The following SPATA21 variants were observed in gnomAD, a reference collection of about 807,000 sequenced individuals.
SPATA21 encodes the protein spermatogenesis-associated protein 21.
SPATA21 carries 47 observed loss-of-function variants against 54.8 expected under a neutral mutation model. The ratio of observed to expected loss-of-function variants is 0.86; its 90% CI spans 0.68 to 1.09. The LOEUF is 1.09. Among genes scored for constraint, SPATA21 ranks in the 50% least tolerant of loss-of-function variants. SPATA21 has a pLI of 0.00. For missense variants in SPATA21, 599 were observed against 596.4 expected, an observed-to-expected ratio of 1.00 and a Z score of -0.05; for synonymous variants, 245 against 235.3, an observed-to-expected ratio of 1.04 and a Z score of -0.38.
At position 16,409,158 on chromosome 1, in the gene SPATA21, C is replaced by G; in HGVS notation, c.633G>C (p.Arg211=). 6.2e-7 allele frequency: 1 copy of G among 1,614,132 alleles called. No homozygotes were observed. Among genetic ancestry groups the G allele is most frequent in the Non-Finnish European group, 8.5e-7 (1 of 1,180,018 alleles). The change falls in exon 7 of 13, where the codon CGG becomes CGC. Residue 211 remains arginine, a synonymous_variant. Transcript: ENST00000335496. This position sits in a 1 kb window ranked among gnomAD's most constrained non-coding sequence, Gnocchi z 4.1. ...GGGTCAGTTGCTCCTCGGACTTCTC[C>G]CGGTTTTGATAAAGCTTTTGGAGGC... is the stretch of plus-strand genomic sequence containing the variant. ...EQSLQKLYQN[R]EKSEEQLTLK... is the part of the protein sequence containing the mutation.
intron 12 of SPATA21, 93 bp downstream of exon 12, chr1:16,399,251 C>G: frequency 1.4e-6 from 2 of 1,400,264 alleles, no homozygotes; most frequent in Non-Finnish European, 1.9e-6. Flanking sequence ...GGTATGATCT[C>G]TTAGAAAGAT....
In SPATA21 at chr1:16,426,867, A is replaced by G. The variant is rs773157409; in HGVS notation, c.34+4471T>C. On this transcript the variant is annotated intron_variant, in intron 3 of 12. Coordinates refer to ENST00000335496, the MANE Select transcript of SPATA21 (RefSeq NM_198546.1). ...AGTGCTGGGATTACAGGTGTGAGCC[A>G]CTGTGCCCGGCCTAATGTACTTTTT... Among the ~76,000 whole-genome samples, 20 of 152,036 alleles carry G rather than the reference A, an allele frequency of 1.3e-4. No homozygotes were observed. In the South Asian group the frequency reaches 1.9e-3, roughly 14 times the overall value.
At chr1:16,406,266 T>G (rs1300895927) in intron 7 of SPATA21, among the ~76,000 whole-genome samples, 6 of 152,162 alleles carry the variant, frequency 3.9e-5, no homozygotes, top group African/African-American at 1.4e-4. Context: ...GTTACAGGCA[T>G]GAGCCGCTGC....
In SPATA21 at chr1:16,409,716, C is replaced by A; in HGVS notation, c.472G>T (p.Val158Phe). Residue 158 changes from valine to phenylalanine, a missense_variant, in exon 6 of 13, where the codon GTC (valine) becomes TTC (phenylalanine). Physicochemically the swap from Val to Phe is conservative, Grantham distance 50 (BLOSUM62 -1). Coordinates refer to ENST00000335496, the MANE Select transcript of SPATA21 (RefSeq NM_198546.1). The surrounding 1 kb of genome is among the most constrained non-coding windows in gnomAD (Gnocchi z 4.1). ...GPEPAPMGAP[V>F]PTSMPCPVLL... ...ACAGGGCAAGGCATGGAGGTGGGGACCGGGGCTCCCATGGGGGCAGGTTCT... is the reference window on the plus strand; with the variant it reads ...ACAGGGCAAGGCATGGAGGTGGGGAACGGGGCTCCCATGGGGGCAGGTTCT... The A allele has an allele frequency of 6.2e-7, 1 of 1,612,502 alleles. No homozygotes were observed. The highest frequency in any genetic ancestry group is 1.7e-5 in the Admixed American group (1 of 59,840).
At chr1:16,400,991 C>T in intron 10 of SPATA21, 99 bp from the exon 11 acceptor site, 1 of 1,433,518 alleles carries the variant, frequency 7.0e-7, no homozygotes, top group African/African-American at 1.4e-5. Flanking sequence ...AGCAGGAACA[C>T]AAGCCTAGGA....
In SPATA21 at chr1:16,409,633, G is replaced by C; in HGVS notation, c.555C>G (p.Ser185Arg). 1 of 1,612,854 alleles carries C rather than the reference G, an allele frequency of 6.2e-7. No individual in the cohort carries two copies. The highest frequency in any genetic ancestry group is 8.5e-7 in the Non-Finnish European group (1 of 1,179,978). The change falls in exon 6 of 13, where the codon AGC becomes AGG. Residue 185 changes from serine to arginine, a missense_variant. Ser to Arg is a moderately radical substitution (Grantham distance 110). Coordinates refer to ENST00000335496, the MANE Select transcript of SPATA21 (RefSeq NM_198546.1). This position sits in a 1 kb window ranked among gnomAD's most constrained non-coding sequence, Gnocchi z 4.1. The stretch of plus-strand genomic sequence containing the variant: ...TGGCGTAGCTCAGGGTTCTCTCGCT[G>C]CTCTGGTGCAAGAGTTCCATCCTTC... ...GWRRMELLHQ[S>R]SERTLSYAKA...
chr1:16,426,573 ATATATATTT>A (rs1025693022), intron 3 of SPATA21, among the ~76,000 whole-genome samples: 6 of 115,572 alleles, frequency 5.2e-5, no homozygotes, highest in African/African-American at 2.1e-4. Context: ...ATATATATAT[ATATATATTT>A]TTTTTTTTTT....
intron 11 of SPATA21, 50 bp downstream of exon 11, chr1:16,400,670 G>A (rs537058413): frequency 1.3e-6 from 2 of 1,548,960 alleles, no homozygotes; most frequent in East Asian, 2.3e-5. Context: ...AGATGGGCAA[G>A]AGAGCAAAGC....
In SPATA21 at chr1:16,420,841, C is replaced by T. The variant is rs1218305485; in HGVS notation, c.144+668G>A. 2.6e-5 allele frequency among the ~76,000 whole-genome samples: 4 copies of T among 151,800 alleles called. No homozygotes were observed. The East Asian group carries it at 7.7e-4, about 29-fold the overall frequency. On this transcript the variant is annotated intron_variant, in intron 5 of 12. Transcript: ENST00000335496. ...ATGATGACCTGGAGCGGAGGGAGGGCGGTGTGGCCAAGGAAAAGTGAGACT... is the reference window on the plus strand; with the variant it reads ...ATGATGACCTGGAGCGGAGGGAGGGTGGTGTGGCCAAGGAAAAGTGAGACT...
chr1:16,429,628 C>T (rs1374860458), intron 3 of SPATA21, among the ~76,000 whole-genome samples: 2 of 151,912 alleles, frequency 1.3e-5, no homozygotes, highest in African/African-American at 4.8e-5. Context: ...GCATGCACCA[C>T]CATGCCAGGC....
intron 3 of SPATA21, among the ~76,000 whole-genome samples, chr1:16,424,444 G>A (rs1398436775): frequency 6.6e-6 from 1 of 150,480 alleles, no homozygotes; most frequent in Non-Finnish European, 1.5e-5. Flanking sequence ...TTTTGAGACA[G>A]GGTTTCACTC....
chr1:16,425,315 C>T (rs2086291424), intron 3 of SPATA21: 2 of 662,264 alleles, frequency 3.0e-6, no homozygotes, highest in Admixed American at 4.3e-5. Context: ...AGCAAACATT[C>T]TGTCACCCAG....
At chr1:16,405,291 C>CA (rs1444754327) in intron 7 of SPATA21, among the ~76,000 whole-genome samples, 187 bp from the exon 8 acceptor site, 2 of 151,902 alleles carry the variant, frequency 1.3e-5, no homozygotes, top group Non-Finnish European at 2.9e-5. Flanking sequence ...CACCTGAGGC[C>CA]AGGAGTTCAA....
chr1:16,419,886 G>A (rs918777389), intron 5 of SPATA21, among the ~76,000 whole-genome samples: 1 of 152,194 alleles, frequency 6.6e-6, no homozygotes, highest in Admixed American at 6.5e-5. Context: ...GTTGCAGTGA[G>A]CTGAGATTGC....
chr1:16,403,918 C>T (rs61769436), intron 9 of SPATA21, 50 bp downstream of exon 9: 170,948 of 1,612,304 alleles, frequency 0.11, 10,228 homozygotes, highest in Non-Finnish European at 0.12. Flanking sequence ...CGCAACCAAC[C>T]TCCCAGCCCC....
intron 5 of SPATA21, chr1:16,410,843 G>T: frequency 2.5e-6 from 1 of 399,874 alleles, no homozygotes; most frequent in South Asian, 1.8e-5. Context: ...ACCGCGCCCG[G>T]CTGAGCCATG....
rs202192073 is a variant in SPATA21 at position 16,427,923 on chromosome 1, T to C, written c.34+3415A>G. On this transcript the variant is annotated intron_variant, in intron 3 of 12. Transcript: ENST00000335496. ...TGAGCTCTGAAGGCCCCTTCTCAAA[T>C]GCATCTCTGAGTCTGGGCCCCTTCT... 569 of 1,550,190 alleles carry C rather than the reference T, an allele frequency of 3.7e-4. 6 individuals are homozygous for C. In the South Asian group the frequency reaches 6.2e-3, roughly 17 times the overall value.
At position 16,414,214 on chromosome 1, in the gene SPATA21, C is replaced by T. The variant is rs114801056; in HGVS notation, c.145-4171G>A. 4.7e-3 allele frequency among the ~76,000 whole-genome samples: 719 copies of T among 151,982 alleles called. 3 individuals carry two copies. The highest frequency in any genetic ancestry group is 0.016 in the African/African-American group (679 of 41,474). On this transcript the variant is annotated intron_variant, in intron 5 of 12. Transcript: ENST00000335496. ...CCGAGTAGGTGGGATCACAGATGTGCGCCACCACAGCCTGGCTAATTTTTT... is the reference window on the plus strand; with the variant it reads ...CCGAGTAGGTGGGATCACAGATGTGTGCCACCACAGCCTGGCTAATTTTTT...
At chr1:16,416,481 C>T (rs181675280) in intron 5 of SPATA21, among the ~76,000 whole-genome samples, 2,791 of 152,086 alleles carry the variant, frequency 0.018, 35 homozygotes, top group Non-Finnish European at 0.027. Flanking sequence ...AGTTCAAGAC[C>T]AGCCTGGCCA....
Sources: gnomAD v4.1 joint callset for allele counts (sites outside exome capture counted in the v4.1 genomes callset) on GRCh38, gnomAD v4.1.1 for gene constraint, Gnocchi (gnomAD v3.1) non-coding constraint, MANE v1.5 for transcripts, NCBI Gene and HGNC (gene_info 2026-07-23, HGNC 2026-07-21) for gene names.